Variants in AGMO observed in about 807,000 individuals in gnomAD.
AGMO encodes alkylglycerol monooxygenase, also known as glyceryl-ether monooxygenase.
A neutral mutation model predicts 60.2 loss-of-function variants in AGMO; 75 were observed. That is an observed-to-expected ratio of 1.25 (90% CI 1.03 to 1.51). The LOEUF (loss-of-function observed/expected upper bound fraction) is 1.51. Among genes scored for constraint, AGMO ranks in the 40% most tolerant of loss-of-function variants. AGMO has a pLI of 0.00. For synonymous variants in AGMO, 261 were observed against 177.1 expected (o/e 1.47, Z -3.76); for missense variants, 763 against 525.5 (o/e 1.45, Z -4.42).
chr7:15,190,150 TA>T, the AGMO span, among the ~76,000 whole-genome samples: 1 of 1,538 alleles, frequency 6.5e-4, no homozygotes, highest in Non-Finnish European at 1.3e-3. Flanking sequence ...TATATATATA[TA>T]TATATATTTA....
rs527357644 is a variant in AGMO at position 15,508,670 on chromosome 7, T to A, written c.409+36102A>T. Among the ~76,000 whole-genome samples, 413 of 152,022 alleles carry A rather than the reference T, an allele frequency of 2.7e-3. 1 individual carries two copies. Among genetic ancestry groups the A allele is most frequent in the African/African-American group, 8.9e-3 (370 of 41,458 alleles). ...CTCGCACAAGACAGCCTCTGTACACTGCGCACAGTGGGAGATAGTCCACTT... is the reference window on the plus strand; with the variant it reads ...CTCGCACAAGACAGCCTCTGTACACAGCGCACAGTGGGAGATAGTCCACTT... On this transcript the variant is annotated intron_variant, in intron 3 of 12. Transcript: ENST00000342526.
the AGMO span, among the ~76,000 whole-genome samples, chr7:15,177,316 TC>T: frequency 6.5e-4 from 99 of 152,154 alleles, no homozygotes; most frequent in Admixed American, 5.3e-3. Flanking sequence ...AACAAACTTC[TC>T]TCTGGCCTTT....
intron 12 of AGMO, among the ~76,000 whole-genome samples, chr7:15,249,932 G>A (rs1431756673): frequency 1.3e-5 from 2 of 152,090 alleles, no homozygotes; most frequent in Non-Finnish European, 2.9e-5. Context: ...TCTAAAGAAA[G>A]GTTTTAAATC....
intron 12 of AGMO, among the ~76,000 whole-genome samples, chr7:15,345,521 G>A (rs1342701673): frequency 1.3e-5 from 2 of 152,104 alleles, no homozygotes; most frequent in Non-Finnish European, 2.9e-5. Flanking sequence ...GCATAACATT[G>A]ACATAGCATT....
At chr7:15,353,756 A>C (rs566554515) in intron 12 of AGMO, among the ~76,000 whole-genome samples, 1 of 152,196 alleles carries the variant, frequency 6.6e-6, no homozygotes, top group African/African-American at 2.4e-5. Flanking sequence ...CTACTTGAAC[A>C]AAGTATTATT....
intron 12 of AGMO, among the ~76,000 whole-genome samples, chr7:15,349,184 C>G (rs1441955148): frequency 6.6e-6 from 1 of 152,064 alleles, no homozygotes; most frequent in Non-Finnish European, 1.5e-5. Flanking sequence ...CACAAGGACT[C>G]TCAGAAAACC....
chr7:15,335,329 T>C (rs1369679561), intron 12 of AGMO, among the ~76,000 whole-genome samples: 2 of 152,142 alleles, frequency 1.3e-5, no homozygotes, highest in African/African-American at 2.4e-5. Context: ...TGAAAGAAAA[T>C]ATTGGCAGCA....
chr7:15,303,256 T>A (rs918414343), intron 12 of AGMO, among the ~76,000 whole-genome samples: 1 of 152,182 alleles, frequency 6.6e-6, no homozygotes, highest in Non-Finnish European at 1.5e-5. Flanking sequence ...ATTCAAATTA[T>A]AAAATAGTAT....
chr7:15,135,980 T>TTTC, the AGMO span, among the ~76,000 whole-genome samples: 2 of 8,410 alleles, frequency 2.4e-4, no homozygotes, highest in Non-Finnish European at 2.0e-3. Flanking sequence ...TTTTCTTTTC[T>TTTC]TTTTTTTTTT....
At chr7:15,213,271 G>A (rs1365202783) in intron 12 of AGMO, among the ~76,000 whole-genome samples, 1 of 151,664 alleles carries the variant, frequency 6.6e-6, no homozygotes, top group African/African-American at 2.4e-5. Context: ...AACATTGGCT[G>A]AGCACCACGA....
intron 3 of AGMO, among the ~76,000 whole-genome samples, chr7:15,475,165 C>A (rs1782560704): frequency 1.3e-5 from 2 of 152,174 alleles, no homozygotes; most frequent in East Asian, 1.9e-4. Context: ...CTAGAAATAC[C>A]TTTTGTCCAA....
chr7:15,139,802 A>G, the AGMO span, among the ~76,000 whole-genome samples: 2 of 147,248 alleles, frequency 1.4e-5, no homozygotes, highest in Non-Finnish European at 1.5e-5. Context: ...CAGAGCTGCT[A>G]GACCCTATCT....
intron 12 of AGMO, among the ~76,000 whole-genome samples, chr7:15,258,667 C>A (rs375820541): frequency 6.6e-6 from 1 of 152,230 alleles, no homozygotes; most frequent in African/African-American, 2.4e-5. Flanking sequence ...CTCACAGAGT[C>A]CCCTCCACTC....
At chr7:15,134,196 T>A in the AGMO span, among the ~76,000 whole-genome samples, 3 of 152,202 alleles carry the variant, frequency 2.0e-5, no homozygotes, top group South Asian at 6.2e-4. Context: ...CAGGTCTGGC[T>A]CTCTCACCCA....
At chr7:15,371,917 TTAAGTG>T (rs1469317735) in intron 10 of AGMO, among the ~76,000 whole-genome samples, 3 of 151,618 alleles carry the variant, frequency 2.0e-5, no homozygotes, top group East Asian at 3.9e-4. Context: ...TATTAAATTA[TTAAGTG>T]TTTCTAAATA....
At chr7:15,329,729 A>G (rs1781446298) in intron 12 of AGMO, among the ~76,000 whole-genome samples, 1 of 152,304 alleles carries the variant, frequency 6.6e-6, no homozygotes, top group African/African-American at 2.4e-5. Context: ...CCAGAGAATC[A>G]GAGATTAAGT....
At chr7:15,390,578 T>C in intron 8 of AGMO, 93 bp downstream of exon 8, 3 of 1,027,536 alleles carry the variant, frequency 2.9e-6, no homozygotes, top group East Asian at 2.5e-5. Flanking sequence ...GTTAGTGTAA[T>C]ATACTTTCAC....
intron 10 of AGMO, 89 bp from the exon 11 acceptor site, chr7:15,366,311 T>G (rs565067260): frequency 2.3e-6 from 2 of 873,064 alleles, no homozygotes; most frequent in African/African-American, 1.7e-5. Flanking sequence ...CAGCCCAAAT[T>G]TTATGTCCTG....
chr7:15,558,661 C>G (rs1173612262), intron 2 of AGMO, among the ~76,000 whole-genome samples: 1 of 151,998 alleles, frequency 6.6e-6, no homozygotes, highest in East Asian at 1.9e-4. Context: ...GCAACAATTA[C>G]AAGTAGTTTT....
Sources: allele counts gnomAD v4.1 joint callset (sites outside exome capture counted in the v4.1 genomes callset), GRCh38; gene constraint gnomAD v4.1.1; transcripts MANE v1.5; gene names NCBI Gene and HGNC (gene_info 2026-07-23, HGNC 2026-07-21).